Variants in NRCAM observed in about 807,000 individuals in gnomAD.
NRCAM encodes NgCAM-related cell adhesion molecule.
In NRCAM, 83 loss-of-function variants were observed where a neutral mutation model predicts 156.5. The ratio of observed to expected loss-of-function variants is 0.53; its 90% CI spans 0.44 to 0.64. The LOEUF is 0.64. Among genes scored for constraint, NRCAM ranks in the 30% least tolerant of loss-of-function variants. The pLI, the probability that NRCAM is intolerant of heterozygous loss-of-function variation, is 0.00. For synonymous variants in NRCAM, 538 were observed against 563.9 expected (o/e 0.95, Z 0.65); for missense variants, 1,417 against 1,597.3 (o/e 0.89, Z 1.92).
intron 11 of NRCAM, among the ~76,000 whole-genome samples, chr7:108,218,750 G>T (rs928602959): frequency 1.3e-5 from 2 of 152,034 alleles, no homozygotes; most frequent in Non-Finnish European, 2.9e-5. Context: ...CGCCTACATC[G>T]AAAAGACTGA....
chr7:108,305,318 G>A (rs2098698896), intron 3 of NRCAM, among the ~76,000 whole-genome samples: 1 of 152,090 alleles, frequency 6.6e-6, no homozygotes, highest in African/African-American at 2.4e-5. Flanking sequence ...ATATTTTATA[G>A]GACACTTGGA....
chr7:108,167,199 T>G, intron 29 of NRCAM, 126 bp from the exon 30 acceptor site: 1 of 654,610 alleles, frequency 1.5e-6, no homozygotes, highest in Non-Finnish European at 2.6e-6. Context: ...GTTTACCATT[T>G]TAGATTATTA....
chr7:108,284,612 T>C (rs1171918474), intron 3 of NRCAM, among the ~76,000 whole-genome samples: 1 of 152,294 alleles, frequency 6.6e-6, no homozygotes, highest in East Asian at 1.9e-4. Context: ...TTCTCATTCT[T>C]TAAGTCTCCA....
rs112678164 is a variant in NRCAM at position 108,210,961 on chromosome 7, T to C, written c.891-1356A>G. On this transcript the variant is annotated intron_variant, in intron 11 of 32. Transcript: ENST00000379028. Reference sequence around the variant, plus strand: ...AGGCAGAACTACATTGCAGCTCTGATGCGGATGGACAGAGCAGCATGTGGA... The same window carrying C: ...AGGCAGAACTACATTGCAGCTCTGACGCGGATGGACAGAGCAGCATGTGGA... Among the ~76,000 whole-genome samples, 324 of 152,318 alleles carry C rather than the reference T, an allele frequency of 2.1e-3. 1 individual carries two copies. The highest frequency in any genetic ancestry group is 3.6e-3 in the Non-Finnish European group (242 of 68,030).
At chr7:108,432,543 C>T (rs1191553707) in intron 1 of NRCAM, among the ~76,000 whole-genome samples, 1 of 152,174 alleles carries the variant, frequency 6.6e-6, no homozygotes. Flanking sequence ...ATTTAGTGTG[C>T]ACACTGAAGA....
At chr7:108,421,252 A>G (rs1010996838) in intron 1 of NRCAM, among the ~76,000 whole-genome samples, 1 of 152,234 alleles carries the variant, frequency 6.6e-6, no homozygotes, top group Non-Finnish European at 1.5e-5. Flanking sequence ...GGCTGAAAGC[A>G]TTAGGAGAGA....
chr7:108,421,452 G>A (rs1458887834), intron 1 of NRCAM, among the ~76,000 whole-genome samples: 3 of 152,086 alleles, frequency 2.0e-5, no homozygotes, highest in East Asian at 3.8e-4. Context: ...CACCCCCAAT[G>A]AGAAATGTAA....
intron 2 of NRCAM, among the ~76,000 whole-genome samples, chr7:108,361,311 T>A (rs1201147620): frequency 6.6e-6 from 1 of 152,232 alleles, no homozygotes; most frequent in Non-Finnish European, 1.5e-5. Flanking sequence ...GATGGTTAAT[T>A]TTATATGTCA....
At chr7:108,350,754 TTCTTTCTTTCCTTCTA>T (rs2099406446) in intron 2 of NRCAM, among the ~76,000 whole-genome samples, 1 of 152,196 alleles carries the variant, frequency 6.6e-6, no homozygotes, top group African/African-American at 2.4e-5. Flanking sequence ...TTTTTTCTTC[TTCTTTCTTTCCTTCTA>T]TCTTTTTAAA....
chr7:108,295,388 T>TAGAGGCTGG (rs1220938006), intron 3 of NRCAM, among the ~76,000 whole-genome samples: 2 of 152,212 alleles, frequency 1.3e-5, no homozygotes. Context: ...GAAATTTACT[T>TAGAGGCTGG]GTCACAATTC....
At chr7:108,222,915 T>C (rs2092700154) in intron 11 of NRCAM, among the ~76,000 whole-genome samples, 2 of 152,164 alleles carry the variant, frequency 1.3e-5, no homozygotes, top group African/African-American at 4.8e-5. Context: ...TGCTTTTGTA[T>C]TTGGGCAAGG....
At position 108,247,529 on chromosome 7, in the gene NRCAM, T is replaced by C. The variant is rs535526622; in HGVS notation, c.-106-7359A>G. ...ACACAAAACTTATAGTCAGAATAAA[T>C]AGAAGGTGGTTAACACTGACCATTA... On this transcript the variant is annotated intron_variant, in intron 3 of 32. Transcript: ENST00000379028. Among the ~76,000 whole-genome samples the C allele has an allele frequency of 6.2e-5, 9 of 144,742 alleles. 1 individual carries two copies. The highest frequency in any genetic ancestry group is 4.6e-4 in the South Asian group (2 of 4,354). The allele number at this position is 144,742 out of a possible 152,430, so 95.0% of individuals were successfully genotyped here.
rs34273772 is a variant in NRCAM at position 108,447,259 on chromosome 7, C to CTTTT, written c.-332+8980_-332+8983dup. Among the ~76,000 whole-genome samples the CTTTT allele has an allele frequency of 3.9e-3, 330 of 84,034 alleles. 1 individual carries two copies. The highest frequency in any genetic ancestry group is 8.5e-3 in the Middle Eastern group (1 of 118). The allele number at this position is 84,034 out of a possible 152,430, so 55.1% of individuals were successfully genotyped here. On this transcript the variant is annotated intron_variant, in intron 1 of 32. Coordinates refer to ENST00000379028, the MANE Select transcript of NRCAM (RefSeq NM_001037132.4). ...ATGGGTTTGCCAAGTTCACTTCTTT[C>CTTTT]TTTTTTTTTTTTTTTTTTTTTTTTT...
chr7:108,339,619 A>G (rs1331445736), intron 2 of NRCAM, among the ~76,000 whole-genome samples: 1 of 152,252 alleles, frequency 6.6e-6, no homozygotes, highest in African/African-American at 2.4e-5. Context: ...TTGGGTTAAG[A>G]AAGGCGGGAA....
At chr7:108,181,800 C>T in intron 24 of NRCAM, 22 bp downstream of exon 24, 1 of 1,565,630 alleles carries the variant, frequency 6.4e-7, no homozygotes. Flanking sequence ...AATAAAGCCA[C>T]AAAAGGTCCC....
At chr7:108,407,703 T>C (rs1266880991) in intron 1 of NRCAM, among the ~76,000 whole-genome samples, 1 of 152,238 alleles carries the variant, frequency 6.6e-6, no homozygotes, top group Admixed American at 6.5e-5. Context: ...TGTATTGCAG[T>C]AGTTCTCAGC....
intron 8 of NRCAM, among the ~76,000 whole-genome samples, chr7:108,227,480 C>T (rs989603941): frequency 5.3e-5 from 8 of 152,184 alleles, no homozygotes; most frequent in African/African-American, 1.7e-4. Context: ...TCAAAATCCT[C>T]TCTTCTAGCT....
intron 3 of NRCAM, among the ~76,000 whole-genome samples, chr7:108,277,133 G>C (rs2097664175): frequency 6.6e-6 from 1 of 152,126 alleles, no homozygotes; most frequent in Admixed American, 6.5e-5. Context: ...TCCCTTCGTG[G>C]GTAACCCGAC....
chr7:108,269,316 A>G (rs1230462827), intron 3 of NRCAM, among the ~76,000 whole-genome samples: 1 of 152,174 alleles, frequency 6.6e-6, no homozygotes, highest in African/African-American at 2.4e-5. Flanking sequence ...GTTGCTTTAG[A>G]CTATGTTTTA....
Sources: gnomAD v4.1 joint callset for allele counts (sites outside exome capture counted in the v4.1 genomes callset) on GRCh38, gnomAD v4.1.1 for gene constraint, MANE v1.5 for transcripts, NCBI Gene and HGNC (gene_info 2026-07-23, HGNC 2026-07-21) for gene names.